Variants in MGST1 observed in about 807,000 individuals in gnomAD.
MGST1 encodes glutathione S-transferase 12.
MGST1 carries 5 observed loss-of-function variants against 8.9 expected under a neutral mutation model. The observed-to-expected ratio is 0.56, with a 90% CI of 0.29 to 1.19. The LOEUF (loss-of-function observed/expected upper bound fraction) is 1.19, where lower values mean the gene tolerates loss of function less well. MGST1 is among the 50% of genes most tolerant of loss of function. The probability of loss-of-function intolerance (pLI) is 0.08; values close to 1 mark genes in which losing one functional copy is unlikely to be tolerated. For missense variants in MGST1, 182 were observed against 187.4 expected (o/e 0.97, Z 0.17); for synonymous variants, 54 against 67.8 (o/e 0.80, Z 1.00).
chr12:16,424,090 G>A (rs34150825), intron 1 of MGST1, among the ~76,000 whole-genome samples: 2,255 of 152,328 alleles, frequency 0.015, 22 homozygotes, highest in Middle Eastern at 0.027. Context: ...AGCCAGTGGA[G>A]AGCTAGAATC....
At chr12:16,476,194 A>G (rs1424716715) in intron 4 of MGST1, among the ~76,000 whole-genome samples, 1 of 152,202 alleles carries the variant, frequency 6.6e-6, no homozygotes, top group East Asian at 1.9e-4. Context: ...GAGTGCAGAT[A>G]AGACTCCTCA....
At chr12:16,550,851 T>C (rs1159446139) in intron 4 of MGST1, 2 of 169,502 alleles carry the variant, frequency 1.2e-5, no homozygotes, top group Non-Finnish European at 2.6e-5. Flanking sequence ...AATGCAACAA[T>C]ACAAAGAAGC....
At chr12:16,479,235 C>CTTTTTTTTTTTTTTT (rs542448251) in intron 4 of MGST1, among the ~76,000 whole-genome samples, 1 of 112,064 alleles carries the variant, frequency 8.9e-6, no homozygotes, top group Non-Finnish European at 1.7e-5. Context: ...TAGACTGTAT[C>CTTTTTTTTTTTTTTT]TTTTTTTTTT....
In MGST1 at chr12:16,400,338, C is replaced by A. The variant is rs567136178; in HGVS notation, n.778+16734C>A. On this transcript the variant is annotated intron_variant and non_coding_transcript_variant, in intron 1 of 1. Transcript: ENST00000359720. The stretch of plus-strand genomic sequence containing the variant: ...GCTTAATATTATTGTACAAAATATC[C>A]AGTTTGTCTCCTCGAACAGATATGA... 4.4e-5 allele frequency: 35 copies of A among 802,714 alleles called. No individual in the cohort carries two copies. In the East Asian group the frequency reaches 4.8e-4, roughly 11 times the overall value. The allele number at this position is 802,714 out of a possible 1,614,324, so 49.7% of individuals were successfully genotyped here.
At chr12:16,467,132 A>C (rs2137130846) in intron 4 of MGST1, among the ~76,000 whole-genome samples, 2 of 152,250 alleles carry the variant, frequency 1.3e-5, no homozygotes, top group East Asian at 3.8e-4. Flanking sequence ...AACCTCATGT[A>C]GTGTGATTTT....
chr12:16,402,476 G>A (rs1372701308), intron 1 of MGST1: 15 of 1,523,306 alleles, frequency 9.8e-6, no homozygotes, highest in South Asian at 9.0e-5. Flanking sequence ...TCCCGGCTCT[G>A]CCACCTGCTC....
At chr12:16,540,595 G>A (rs1285059520) in intron 4 of MGST1, among the ~76,000 whole-genome samples, 1 of 152,228 alleles carries the variant, frequency 6.6e-6, no homozygotes, top group East Asian at 1.9e-4. Context: ...TCTGGACAGA[G>A]CGACATTTAA....
At position 16,584,937 on chromosome 12, in the gene MGST1, T is replaced by C. The variant is rs1943270593; in HGVS notation, n.483-4591T>C. Among the ~76,000 whole-genome samples, 1 of 152,220 alleles carries C rather than the reference T, an allele frequency of 6.6e-6. No homozygotes were observed. Among genetic ancestry groups the C allele is most frequent in the South Asian group, 2.1e-4 (1 of 4,834 alleles). On this transcript the variant is annotated intron_variant and non_coding_transcript_variant, in intron 4 of 4. Transcript: ENST00000538857. The surrounding 1 kb of genome is among the most constrained non-coding windows in gnomAD (Gnocchi z 5.2). Reference sequence around the variant, plus strand: ...ACATTAAAGGGCCTGATCAGTTATCTGAAACCAGAATTTTATGATTCTGAC... The same window carrying C: ...ACATTAAAGGGCCTGATCAGTTATCCGAAACCAGAATTTTATGATTCTGAC...
chr12:16,512,132 GA>G (rs1355675195), intron 4 of MGST1, among the ~76,000 whole-genome samples: 1 of 152,000 alleles, frequency 6.6e-6, no homozygotes, highest in Non-Finnish European at 1.5e-5. Flanking sequence ...TATATTTTTA[GA>G]TTGCTAGTTC....
intron 1 of MGST1, among the ~76,000 whole-genome samples, chr12:16,425,167 G>A (rs1197002281): frequency 6.6e-6 from 1 of 152,054 alleles, no homozygotes; most frequent in Non-Finnish European, 1.5e-5. Flanking sequence ...TTAGTTTGCT[G>A]TATTTTGTAC....
At position 16,369,758 on chromosome 12, in the gene MGST1, T is replaced by A. The variant is rs900599484; in HGVS notation, c.222-6364T>A. Reference sequence around the variant, plus strand: ...GGTGTTTTACAGAAAGTTTTCTGATTCTTGCTCCAGTAGGTTAGCCTGACT... The same window carrying A: ...GGTGTTTTACAGAAAGTTTTCTGATACTTGCTCCAGTAGGTTAGCCTGACT... On this transcript the variant is annotated intron_variant, in intron 3 of 3. Transcript: ENST00000535309. The surrounding 1 kb of genome is among the most constrained non-coding windows in gnomAD (Gnocchi z 4.8). 5.3e-5 allele frequency: 8 copies of A among 152,212 alleles called. No homozygotes were observed. Among genetic ancestry groups the A allele is most frequent in the African/African-American group, 1.9e-4 (8 of 41,438 alleles). 9.4% of individuals were successfully genotyped at this position (152,212 alleles called of 1,614,324 possible).
intron 4 of MGST1, among the ~76,000 whole-genome samples, chr12:16,451,212 A>T (rs1484431580): frequency 2.0e-5 from 3 of 151,886 alleles, no homozygotes; most frequent in Admixed American, 6.6e-5. Context: ...TGCATCTTAA[A>T]GCAATCAAAC....
downstream of MGST1, among the ~76,000 whole-genome samples, chr12:16,441,803 C>G (rs550947869): frequency 1.3e-5 from 2 of 151,906 alleles, no homozygotes; most frequent in South Asian, 4.1e-4. Flanking sequence ...TTAAACACAT[C>G]CATATGCAAG....
intron 1 of MGST1, chr12:16,353,493 A>G (rs1939564707): frequency 6.6e-6 from 1 of 152,212 alleles, no homozygotes; most frequent in Admixed American, 6.5e-5. Context: ...AAAGCAGGAT[A>G]CATAAGAACT....
chr12:16,461,276 C>A (rs1004456147), intron 4 of MGST1, among the ~76,000 whole-genome samples: 2 of 151,332 alleles, frequency 1.3e-5, no homozygotes, highest in African/African-American at 4.9e-5. Context: ...TATTATTAAT[C>A]CATAGATACC....
At position 16,389,059 on chromosome 12, in the gene MGST1, G is replaced by T. The variant is rs1231620544; in HGVS notation, n.778+5455G>T. Among the ~76,000 whole-genome samples the T allele has an allele frequency of 6.6e-6, 1 of 152,216 alleles. No individual in the cohort carries two copies. Among genetic ancestry groups the T allele is most frequent in the Non-Finnish European group, 1.5e-5 (1 of 68,034 alleles). ...GGAAATTAAGTTAATCTTGTAAAGT[G>T]CCACTTTGCGTATCTGAAGACAAAT... On this transcript the variant is annotated intron_variant and non_coding_transcript_variant, in intron 1 of 1. Coordinates refer to the MGST1 transcript ENST00000359720. The surrounding 1 kb of genome is among the most constrained non-coding windows in gnomAD (Gnocchi z 4.6).
Position 16,571,380 on chromosome 12 carries a change from A to C in MGST1, n.483-18148A>C, listed in dbSNP as rs564879857. On this transcript the variant is annotated intron_variant and non_coding_transcript_variant, in intron 4 of 4. Coordinates refer to the MGST1 transcript ENST00000538857. ...AAAGTACTTTCTGCAAAGCAAATTT[A>C]ATATCCAACACCATTTATCTCATTA... Among the ~76,000 whole-genome samples, 42 of 152,234 alleles carry C rather than the reference A, an allele frequency of 2.8e-4. No individual in the cohort carries two copies. In the South Asian group the frequency reaches 5.4e-3, roughly 20 times the overall value.
intron 4 of MGST1, among the ~76,000 whole-genome samples, chr12:16,565,623 C>T (rs1241461944): frequency 6.6e-6 from 1 of 152,012 alleles, no homozygotes; most frequent in Non-Finnish European, 1.5e-5. Context: ...TTATTTTGAA[C>T]TGTGTTTCTA....
At chr12:16,502,877 G>A (rs1425178221) in intron 4 of MGST1, among the ~76,000 whole-genome samples, 1 of 152,146 alleles carries the variant, frequency 6.6e-6, no homozygotes, top group African/African-American at 2.4e-5. Flanking sequence ...CAAATTCAGG[G>A]TATCAGAAGC....
Sources: gnomAD v4.1 joint callset for allele counts (sites outside exome capture counted in the v4.1 genomes callset) on GRCh38, gnomAD v4.1.1 for gene constraint, Gnocchi (gnomAD v3.1) non-coding constraint, MANE v1.5 for transcripts, NCBI Gene and HGNC (gene_info 2026-07-23, HGNC 2026-07-21) for gene names.